Variants in MAP7D2 observed in about 807,000 individuals in gnomAD.
MAP7D2 encodes MAP7 domain containing 2.
Under a neutral mutation model 63.5 loss-of-function variants are expected in MAP7D2, and 33 were observed. That is an observed-to-expected ratio of 0.52 (90% CI 0.39 to 0.70). The LOEUF (loss-of-function observed/expected upper bound fraction) is 0.70. Ranked by LOEUF, MAP7D2 falls within the 30% of genes least tolerant of loss-of-function variation. The pLI is 0.00. For synonymous variants in MAP7D2, 224 were observed against 223.7 expected (o/e 1.00, Z -0.01); for missense variants, 626 against 604.0 (o/e 1.04, Z -0.38).
chrX:20,014,060 T>C (rs2073296837), intron 12 of MAP7D2, among the ~76,000 whole-genome samples: 1 of 112,160 alleles, frequency 8.9e-6, no homozygotes, highest in Non-Finnish European at 1.9e-5. Flanking sequence ...TAGGACACCA[T>C]GAGAATACTC....
chrX:20,009,336 C>G (rs1235599013), intron 16 of MAP7D2, among the ~76,000 whole-genome samples: 1 of 112,017 alleles, frequency 8.9e-6, no homozygotes, highest in Non-Finnish European at 1.9e-5. Context: ...AATAAAGTGA[C>G]TGAGAAAATG....
chrX:20,026,088 C>T, intron 8 of MAP7D2, 136 bp from the exon 9 acceptor site: 1 of 695,579 alleles, frequency 1.4e-6, no homozygotes, highest in Non-Finnish European at 2.1e-6. Context: ...AGCACACACT[C>T]AAAAGTCACT....
chrX:20,068,413 T>C (rs746475599), intron 1 of MAP7D2, among the ~76,000 whole-genome samples: 1 of 112,110 alleles, frequency 8.9e-6, no homozygotes, highest in African/African-American at 3.2e-5. Context: ...ATTTACTGGA[T>C]GAGTAAAGCT....
At chrX:20,097,024 A>G (rs1042661444) in intron 1 of MAP7D2, among the ~76,000 whole-genome samples, 7 of 111,610 alleles carry the variant, frequency 6.3e-5, no homozygotes, top group African/African-American at 2.3e-4. Flanking sequence ...ATGAACATCT[A>G]TCTTTCCTAT....
chrX:20,051,497 C>A (rs1402972644), intron 5 of MAP7D2, among the ~76,000 whole-genome samples: 2 of 108,370 alleles, frequency 1.8e-5, no homozygotes, highest in African/African-American at 3.4e-5. Flanking sequence ...TTGCAGTGAG[C>A]CAAGACTGTA....
intron 6 of MAP7D2, 94 bp downstream of exon 6, chrX:20,050,730 A>T: frequency 1.0e-6 from 1 of 979,563 alleles, no homozygotes; most frequent in South Asian, 3.2e-5. Flanking sequence ...GCCAGCAAAT[A>T]GGAAGCAAAA....
At chrX:20,031,594 C>T (rs1461062391) in intron 8 of MAP7D2, among the ~76,000 whole-genome samples, 1 of 110,698 alleles carries the variant, frequency 9.0e-6, no homozygotes, top group Non-Finnish European at 1.9e-5. Context: ...TGGTGAAACC[C>T]CATCTCTAAT....
In MAP7D2 at chrX:20,029,006, G is replaced by A. The variant is rs181835087; in HGVS notation, c.1008-3054C>T. The stretch of plus-strand genomic sequence containing the variant: ...CCCTCCTCCCCGTGGAATGAGGTAC[G>A]ATTTCTCTGATTGGTGAGAATGAGC... On this transcript the variant is annotated intron_variant, in intron 8 of 16. Coordinates refer to ENST00000379643, the MANE Select transcript of MAP7D2 (RefSeq NM_001168465.2). 2.2e-4 allele frequency among the ~76,000 whole-genome samples: 25 copies of A among 112,031 alleles called. 1 individual carries two copies. The Admixed American group carries it at 2.3e-3, about 10-fold the overall frequency.
At chrX:20,058,189 G>A (rs754751859) in intron 3 of MAP7D2, among the ~76,000 whole-genome samples, 1 of 112,794 alleles carries the variant, frequency 8.9e-6, no homozygotes, top group Non-Finnish European at 1.9e-5. Context: ...CCCATTAAAC[G>A]ATGATGGCCA....
chrX:20,103,162 G>A (rs573047797), intron 1 of MAP7D2, among the ~76,000 whole-genome samples: 17 of 111,842 alleles, frequency 1.5e-4, no homozygotes, highest in African/African-American at 5.5e-4. Context: ...ACCTTTTGCT[G>A]GAAAAGCTCT....
intron 8 of MAP7D2, among the ~76,000 whole-genome samples, chrX:20,026,899 T>A (rs944432478): frequency 8.9e-6 from 1 of 111,869 alleles, no homozygotes; most frequent in African/African-American, 3.3e-5. Flanking sequence ...ATACAGAAAT[T>A]ACAAGTCATC....
rs756004230 is a variant in MAP7D2, at chrX:20,063,509, C to G, written c.277G>C (p.Glu93Gln). 8.3e-7 allele frequency: 1 copy of G among 1,212,117 alleles called. No homozygotes were observed. Among genetic ancestry groups the G allele is most frequent in the Non-Finnish European group, 1.1e-6 (1 of 895,538 alleles). The change falls in exon 3 of 17, where the codon GAG becomes CAG. Residue 93 changes from glutamate (E) to glutamine (Q), a missense_variant. Glu to Gln is a conservative substitution (Grantham distance 29). Transcript: ENST00000379643. ...ARLQYEKQME[E>Q]RWRKLEEQRQ... is the part of the protein sequence containing the mutation. ...TGCTCTTCCAGTTTTCGCCATCGCT[C>G]CTCCATTTGCTTTTCGTACTGCAGC... is the stretch of plus-strand genomic sequence containing the variant.
chrX:20,064,094 G>C (rs1285422039), intron 2 of MAP7D2, among the ~76,000 whole-genome samples: 1 of 111,889 alleles, frequency 8.9e-6, no homozygotes, highest in African/African-American at 3.3e-5. Flanking sequence ...TTTACTAAGG[G>C]GCCCTTAATT....
chrX:20,067,610 G>T (rs1252295743), intron 1 of MAP7D2, among the ~76,000 whole-genome samples: 5 of 111,615 alleles, frequency 4.5e-5, no homozygotes, highest in Non-Finnish European at 9.4e-5. Context: ...TCCAATGCAA[G>T]AAACTGGCTT....
chrX:20,076,291 C>T (rs2065640310), intron 1 of MAP7D2, among the ~76,000 whole-genome samples: 1 of 111,624 alleles, frequency 9.0e-6, no homozygotes, highest in African/African-American at 3.3e-5. Flanking sequence ...GCAACGTGCC[C>T]CTTTCAAAGA....
chrX:20,109,269 C>T (rs1355343948), intron 1 of MAP7D2, among the ~76,000 whole-genome samples: 1 of 109,879 alleles, frequency 9.1e-6, no homozygotes, highest in Non-Finnish European at 1.9e-5. Context: ...CGCCTATAAT[C>T]CCAGCACTTT....
At chrX:20,049,605 T>C (rs2064892360) in intron 6 of MAP7D2, among the ~76,000 whole-genome samples, 1 of 111,963 alleles carries the variant, frequency 8.9e-6, no homozygotes, top group African/African-American at 3.2e-5. Context: ...AATATTCTAC[T>C]TTATGGGTAT....
chrX:20,019,884 G>A, intron 10 of MAP7D2, among the ~76,000 whole-genome samples: 1 of 111,560 alleles, frequency 9.0e-6, no homozygotes. Context: ...AGGCTTGGGT[G>A]GTTTCCAGGA....
intron 1 of MAP7D2, among the ~76,000 whole-genome samples, chrX:20,071,474 C>T (rs768588686): frequency 8.9e-6 from 1 of 112,604 alleles, no homozygotes; most frequent in African/African-American, 3.2e-5. Context: ...GTGAAAATGA[C>T]TGCTGGACAT....
Sources: allele counts gnomAD v4.1 joint callset (sites outside exome capture counted in the v4.1 genomes callset), GRCh38; gene constraint gnomAD v4.1.1; transcripts MANE v1.5; gene names NCBI Gene and HGNC (gene_info 2026-07-23, HGNC 2026-07-21).